Variants in SLC26A5 observed in about 807,000 individuals in gnomAD.
The protein encoded by SLC26A5 is solute carrier family 26 member 5.
Under a neutral mutation model 81.0 loss-of-function variants are expected in SLC26A5, and 51 were observed. The observed-to-expected ratio is 0.63, with a 90% CI of 0.50 to 0.80. SLC26A5 has a LOEUF of 0.80. Among genes scored for constraint, SLC26A5 ranks in the 30% least tolerant of loss-of-function variants. SLC26A5 has a pLI of 0.00. For missense variants in SLC26A5, 771 were observed against 905.8 expected, an observed-to-expected ratio of 0.85 and a Z score of 1.91; for synonymous variants, 325 against 332.8, an observed-to-expected ratio of 0.98 and a Z score of 0.25.
intron 19 of SLC26A5, among the ~76,000 whole-genome samples, chr7:103,375,850 G>A (rs550078418): frequency 6.6e-6 from 1 of 152,158 alleles, no homozygotes; most frequent in Non-Finnish European, 1.5e-5. Flanking sequence ...CCGCCTCCTG[G>A]GTTCAAGCGA....
chr7:103,376,051 C>T (rs115380102), intron 19 of SLC26A5, among the ~76,000 whole-genome samples: 8,788 of 152,016 alleles, frequency 0.058, 336 homozygotes, highest in African/African-American at 0.1. Context: ...GCCACCACGC[C>T]GGGCTCCTTT....
chr7:103,377,945 C>T (rs909594309), intron 17 of SLC26A5, 146 bp from the exon 18 acceptor site: 4 of 761,554 alleles, frequency 5.3e-6, no homozygotes, highest in South Asian at 3.0e-5. Flanking sequence ...CATATTCTAG[C>T]CTTGTAACTG....
At chr7:103,372,891 A>C (rs1388129606), downstream of SLC26A5, among the ~76,000 whole-genome samples, 1 of 150,646 alleles carries the variant, frequency 6.6e-6, no homozygotes, top group African/African-American at 2.5e-5. Context: ...AAAAAAAAAA[A>C]AAACACTAAT....
rs759909727 is a variant in SLC26A5 at position 103,391,022 on chromosome 7, T to C, written c.1234-516A>G. Among the ~76,000 whole-genome samples, 6 of 152,220 alleles carry C rather than the reference T, an allele frequency of 3.9e-5. No individual in the cohort carries two copies. The East Asian group carries it at 9.7e-4, about 24-fold the overall frequency. Reference sequence around the variant, plus strand: ...CTGGGACTACAGGCATCCGCCACCATGCCCAGCTAATTTTTGTATTTTTAG... The same window carrying C: ...CTGGGACTACAGGCATCCGCCACCACGCCCAGCTAATTTTTGTATTTTTAG... On this transcript the variant is annotated intron_variant, in intron 11 of 19. Coordinates refer to ENST00000306312, the MANE Select transcript of SLC26A5 (RefSeq NM_198999.3).
At chr7:103,440,105 GTC>G (rs1826767179) in intron 2 of SLC26A5, among the ~76,000 whole-genome samples, 1 of 151,958 alleles carries the variant, frequency 6.6e-6, no homozygotes, top group African/African-American at 2.4e-5. Flanking sequence ...TTTATTTTCT[GTC>G]TCTCTTCCCC....
chr7:103,362,802 T>G, intron 19 of SLC26A5: 1 of 1,443,906 alleles, frequency 6.9e-7, no homozygotes, highest in Non-Finnish European at 9.6e-7. Context: ...GTCTTTTTTT[T>G]TTTTTTTTTT....
intron 4 of SLC26A5, among the ~76,000 whole-genome samples, chr7:103,413,722 G>A (rs1824686067): frequency 6.6e-6 from 1 of 152,160 alleles, no homozygotes; most frequent in Non-Finnish European, 1.5e-5. Context: ...CTTTGGAAGT[G>A]CAGGTCACAC....
chr7:103,384,291 A>G (rs758692514), intron 14 of SLC26A5, among the ~76,000 whole-genome samples: 16 of 151,794 alleles, frequency 1.1e-4, no homozygotes, highest in Admixed American at 3.9e-4. Flanking sequence ...TTTGGCCTAT[A>G]TTCTAATTTT....
intron 19 of SLC26A5, among the ~76,000 whole-genome samples, chr7:103,360,581 A>T (rs1820323644): frequency 6.6e-6 from 1 of 152,100 alleles, no homozygotes; most frequent in Admixed American, 6.5e-5. Context: ...TCTGTACCTT[A>T]CTTTTAGCTC....
At chr7:103,374,151 T>C, downstream of SLC26A5, 1 of 1,258,946 alleles carries the variant, frequency 7.9e-7, no homozygotes, top group Non-Finnish European at 1.0e-6. Flanking sequence ...CTTACAAAGA[T>C]AATACTAGAA....
At chr7:103,390,642 C>T in intron 11 of SLC26A5, 136 bp from the exon 12 acceptor site, 1 of 754,360 alleles carries the variant, frequency 1.3e-6, no homozygotes. Flanking sequence ...AACTAAACCA[C>T]TACATAACCT....
At chr7:103,405,047 C>T (rs1049585984) in intron 8 of SLC26A5, among the ~76,000 whole-genome samples, 1 of 152,048 alleles carries the variant, frequency 6.6e-6, no homozygotes, top group Non-Finnish European at 1.5e-5. Flanking sequence ...CATTTATGTT[C>T]TTCTCTAAAC....
chr7:103,404,657 T>C (rs1054919822), intron 8 of SLC26A5, among the ~76,000 whole-genome samples: 2 of 152,178 alleles, frequency 1.3e-5, no homozygotes, highest in African/African-American at 2.4e-5. Context: ...TGATTATGTG[T>C]CTTGGGGTTG....
chr7:103,411,433 G>C lies in SLC26A5; in HGVS notation c.557C>G (p.Ser186Ter). 5.0e-6 allele frequency: 8 copies of C among 1,614,112 alleles called. No homozygotes were observed. Among genetic ancestry groups the C allele is most frequent in the Non-Finnish European group, 6.8e-6 (8 of 1,180,012 alleles). Residue 186 changes from serine to a stop codon, truncating the protein, a stop_gained, in exon 6 of 20, where the codon TCA becomes TGA. Coordinates refer to ENST00000306312, the MANE Select transcript of SLC26A5 (RefSeq NM_198999.3). LOFTEE classifies it high-confidence loss of function. The stretch of plus-strand genomic sequence containing the variant: ...TTTGAGCCTTACCTGAATGATTCCT[G>C]AAAGTAAGGTCACAGACATGGCGAC... ...VKVAMSVTLL[S>*]GIIQFCLGVC... is the part of the protein sequence containing the mutation.
intron 19 of SLC26A5, among the ~76,000 whole-genome samples, chr7:103,354,166 A>G (rs983825619): frequency 6.6e-6 from 1 of 152,216 alleles, no homozygotes; most frequent in African/African-American, 2.4e-5. Flanking sequence ...CCTAAAGTTT[A>G]TAGAATAGAT....
chr7:103,439,555 A>G (rs1207111862), intron 2 of SLC26A5, among the ~76,000 whole-genome samples: 4 of 120,976 alleles, frequency 3.3e-5, no homozygotes, highest in Non-Finnish European at 6.2e-5. Context: ...TTGTTTTGAG[A>G]CAGAGTCTCA....
At chr7:103,421,297 CA>C (rs536703819) in intron 3 of SLC26A5, 65 bp downstream of exon 3, 9 of 1,553,006 alleles carry the variant, frequency 5.8e-6, no homozygotes, top group Non-Finnish European at 8.0e-6. Flanking sequence ...TTTCTTTACA[CA>C]TTTGACCTTG....
chr7:103,440,660 A>C (rs964845657), intron 2 of SLC26A5, among the ~76,000 whole-genome samples: 16 of 152,214 alleles, frequency 1.1e-4, no homozygotes, highest in Non-Finnish European at 2.2e-4. Flanking sequence ...TAAACATATA[A>C]AATGACTCCA....
chr7:103,371,974 C>T (rs572580677), downstream of SLC26A5, among the ~76,000 whole-genome samples: 4 of 152,174 alleles, frequency 2.6e-5, no homozygotes, highest in South Asian at 2.1e-4. Flanking sequence ...GGATTACAGG[C>T]GTGAGCCACC....
Sources: gnomAD v4.1 joint callset for allele counts (sites outside exome capture counted in the v4.1 genomes callset) on GRCh38, gnomAD v4.1.1 for gene constraint, MANE v1.5 for transcripts, NCBI Gene and HGNC (gene_info 2026-07-23, HGNC 2026-07-21) for gene names.